CSMD1: variants seen among roughly 807,000 people sequenced by gnomAD.
The protein encoded by CSMD1 is CUB and sushi domain-containing protein 1.
In CSMD1, 213 loss-of-function variants were observed where a neutral mutation model predicts 417.5. The observed-to-expected ratio is 0.51, with a 90% CI of 0.46 to 0.57. The LOEUF is 0.57. CSMD1 is among the 20% of genes least tolerant of loss of function. The probability of loss-of-function intolerance (pLI) is 0.00; values close to 1 mark genes in which losing one functional copy is unlikely to be tolerated. For missense variants in CSMD1, 6,923 were observed against 4,529.7 expected, an observed-to-expected ratio of 1.53 and a Z score of -15.17; for synonymous variants, 2,862 against 1,736.8, an observed-to-expected ratio of 1.65 and a Z score of -16.11.
intron 4 of CSMD1, among the ~76,000 whole-genome samples, chr8:4,016,599 G>A (rs935801082): frequency 2.6e-5 from 4 of 152,190 alleles, no homozygotes; most frequent in Non-Finnish European, 4.4e-5. Context: ...CCTTTCCCCA[G>A]ATGAGGAAAA....
chr8:3,425,700 T>A, intron 12 of CSMD1, among the ~76,000 whole-genome samples: 1 of 152,130 alleles, frequency 6.6e-6, no homozygotes, highest in East Asian at 1.9e-4. Flanking sequence ...TAGTGCATTC[T>A]GCCCTGAAGA....
intron 2 of CSMD1, among the ~76,000 whole-genome samples, chr8:4,467,773 T>G (rs187597448): frequency 2.2e-4 from 34 of 152,288 alleles, no homozygotes; most frequent in Non-Finnish European, 4.1e-4. Context: ...AGAAAGCACC[T>G]TGCATTTACT....
chr8:3,650,664 A>G (rs936618716), intron 7 of CSMD1, among the ~76,000 whole-genome samples: 5 of 152,228 alleles, frequency 3.3e-5, no homozygotes, highest in Non-Finnish European at 7.3e-5. Flanking sequence ...TCACGCTATG[A>G]GAACTGTTCG....
intron 6 of CSMD1, among the ~76,000 whole-genome samples, chr8:3,714,609 C>T (rs13277773): frequency 0.34 from 48,221 of 142,024 alleles, 8,675 homozygotes; most frequent in Admixed American, 0.47. Context: ...TGGTGGCGGG[C>T]GACTGTAGTC....
chr8:3,307,894 A>C (rs1805006625), intron 24 of CSMD1, 73 bp from the exon 25 acceptor site: 1 of 1,534,642 alleles, frequency 6.5e-7, no homozygotes, highest in African/African-American at 1.4e-5. Flanking sequence ...ACTTTTCAAA[A>C]CCAAAGCCAT....
In CSMD1 at chr8:3,366,603, C is replaced by T. The variant is rs1398071785; in HGVS notation, c.3115+429G>A. On this transcript the variant is annotated intron_variant, in intron 20 of 69. Transcript: ENST00000635120. ...GTGTGTGTCCACCTGCTTCTTTCATCCTAGAGGTGGTTGTCAATGCAAATA... is the reference window on the plus strand; with the variant it reads ...GTGTGTGTCCACCTGCTTCTTTCATTCTAGAGGTGGTTGTCAATGCAAATA... Among the ~76,000 whole-genome samples, 3 of 152,148 alleles carry T rather than the reference C, an allele frequency of 2.0e-5. No individual in the cohort carries two copies. In the East Asian group the frequency reaches 5.8e-4, roughly 29 times the overall value.
chr8:3,811,266 T>C lies in CSMD1; in HGVS notation c.819-57224A>G, dbSNP rs1801059236. ...TTAATTATGAAACTTAGAGAGCAATTACCAGAGATAAGTTTATGAGCACGG... is the reference window on the plus strand; with the variant it reads ...TTAATTATGAAACTTAGAGAGCAATCACCAGAGATAAGTTTATGAGCACGG... On this transcript the variant is annotated intron_variant, in intron 5 of 69. Transcript: ENST00000635120. 2.0e-5 allele frequency among the ~76,000 whole-genome samples: 3 copies of C among 152,344 alleles called. 1 individual carries two copies. The South Asian group carries it at 6.2e-4, about 32-fold the overall frequency.
At chr8:3,680,360 C>G (rs1375033128) in intron 7 of CSMD1, among the ~76,000 whole-genome samples, 2 of 152,080 alleles carry the variant, frequency 1.3e-5, no homozygotes. Context: ...GGTATATCAC[C>G]ACTGATCCCA....
At chr8:4,442,677 T>C (rs972166373) in intron 2 of CSMD1, among the ~76,000 whole-genome samples, 3 of 152,218 alleles carry the variant, frequency 2.0e-5, no homozygotes, top group African/African-American at 4.8e-5. Flanking sequence ...CTTTCCCTTA[T>C]TCAATGTCTC....
intron 1 of CSMD1, among the ~76,000 whole-genome samples, chr8:4,836,072 A>G (rs941267613): frequency 2.0e-5 from 3 of 152,196 alleles, no homozygotes; most frequent in African/African-American, 7.2e-5. Flanking sequence ...AGAATATTGG[A>G]CATACACAAG....
intron 18 of CSMD1, 148 bp downstream of exon 18, chr8:3,387,346 A>C (rs1482628393): frequency 6.6e-6 from 4 of 602,258 alleles, no homozygotes; most frequent in Non-Finnish European, 1.2e-5. Flanking sequence ...ATCGGGAATG[A>C]TACGATGATG....
chr8:3,842,698 C>G (rs1803213799), intron 5 of CSMD1, among the ~76,000 whole-genome samples: 1 of 151,514 alleles, frequency 6.6e-6, no homozygotes, highest in Non-Finnish European at 1.5e-5. Flanking sequence ...TAAAACCAAA[C>G]TAATGAGAAA....
rs188823751 is a variant in CSMD1, at chr8:4,237,128, C to A, written c.415+182825G>T. Among the ~76,000 whole-genome samples the A allele has an allele frequency of 2.0e-4, 30 of 152,282 alleles. 1 individual carries two copies. The East Asian group carries it at 5.4e-3, about 27-fold the overall frequency. ...TCCATCAAGAACTAGCTACTTTGCA[C>A]GGAAGCCCTAAAGAAATTCTTACTG... On this transcript the variant is annotated intron_variant, in intron 3 of 69. Transcript: ENST00000635120.
chr8:3,466,866 T>G (rs1411017241), intron 12 of CSMD1, among the ~76,000 whole-genome samples: 1 of 152,212 alleles, frequency 6.6e-6, no homozygotes, highest in Non-Finnish European at 1.5e-5. Flanking sequence ...ACTCTGGAAA[T>G]ATGCATTTTT....
At chr8:3,702,596 C>A (rs567072111) in intron 7 of CSMD1, among the ~76,000 whole-genome samples, 4 of 152,240 alleles carry the variant, frequency 2.6e-5, no homozygotes, top group Admixed American at 6.5e-5. Context: ...TTTGGGAGGC[C>A]GAGGCAGGCA....
intron 8 of CSMD1, among the ~76,000 whole-genome samples, chr8:3,613,543 G>T (rs1299663659): frequency 6.6e-6 from 1 of 151,378 alleles, no homozygotes; most frequent in African/African-American, 2.4e-5. Context: ...TCCATAAAAA[G>T]AAAAAAACAT....
intron 6 of CSMD1, among the ~76,000 whole-genome samples, chr8:3,710,665 C>A (rs1027284372): frequency 1.3e-5 from 2 of 152,146 alleles, no homozygotes; most frequent in African/African-American, 4.8e-5. Context: ...CCCTCAGAGT[C>A]CCTGAAACCA....
rs62502683 is a variant in CSMD1 at position 4,020,693 on chromosome 8, C to T, written c.610+11212G>A. ...TAACAAAGCTGTTTTCATTTTACTC[C>T]CTCAGCGAATCCGCGTGTTCCTCAA... On this transcript the variant is annotated intron_variant, in intron 4 of 69. Coordinates refer to ENST00000635120, the MANE Select transcript of CSMD1 (RefSeq NM_033225.6). Among the ~76,000 whole-genome samples the T allele has an allele frequency of 3.2e-3, 488 of 152,318 alleles. 2 individuals are homozygous for T. The highest frequency in any genetic ancestry group is 0.01 in the Middle Eastern group (3 of 294).
intron 6 of CSMD1, among the ~76,000 whole-genome samples, chr8:3,710,151 A>G (rs766498004): frequency 1.3e-5 from 2 of 152,012 alleles, no homozygotes; most frequent in Non-Finnish European, 2.9e-5. Context: ...TTTTTAGGCT[A>G]TAAGAGTTGT....
Sources: gnomAD v4.1 joint callset for allele counts (sites outside exome capture counted in the v4.1 genomes callset) on GRCh38, gnomAD v4.1.1 for gene constraint, MANE v1.5 for transcripts, NCBI Gene and HGNC (gene_info 2026-07-23, HGNC 2026-07-21) for gene names.